The following CSMD1 variants were observed in gnomAD, a reference collection of about 807,000 sequenced individuals.
CSMD1 encodes the protein CUB and Sushi multiple domains 1.
In CSMD1, 213 loss-of-function variants were observed where a neutral mutation model predicts 417.5. That is an observed-to-expected ratio of 0.51 (90% CI 0.46 to 0.57). CSMD1 has a LOEUF of 0.57. Among genes scored for constraint, CSMD1 ranks in the 20% least tolerant of loss-of-function variants. CSMD1 has a pLI of 0.00. For missense variants in CSMD1, 6,923 were observed against 4,529.7 expected (o/e 1.53, Z -15.17); for synonymous variants, 2,862 against 1,736.8 (o/e 1.65, Z -16.11).
intron 12 of CSMD1, among the ~76,000 whole-genome samples, chr8:3,421,144 A>G (rs115867507): frequency 6.6e-6 from 1 of 152,222 alleles, no homozygotes; most frequent in African/African-American, 2.4e-5. Flanking sequence ...TTAACATTCT[A>G]TTAAATTGAT....
chr8:4,172,238 T>C (rs7000442), intron 3 of CSMD1, among the ~76,000 whole-genome samples: 3,360 of 152,250 alleles, frequency 0.022, 139 homozygotes, highest in African/African-American at 0.075. Flanking sequence ...TAGGGTCAAG[T>C]CTGCACTGAA....
intron 26 of CSMD1, among the ~76,000 whole-genome samples, chr8:3,255,404 A>T (rs1166136598): frequency 2.6e-5 from 4 of 152,210 alleles, no homozygotes; most frequent in Non-Finnish European, 5.9e-5. Flanking sequence ...GCTGTCAGAC[A>T]GGGACATTTC....
At chr8:4,970,052 T>G (rs1810140804) in intron 1 of CSMD1, among the ~76,000 whole-genome samples, 1 of 152,152 alleles carries the variant, frequency 6.6e-6, no homozygotes, top group Non-Finnish European at 1.5e-5. Flanking sequence ...TGTCCAATAA[T>G]AGCACACAGA....
intron 26 of CSMD1, among the ~76,000 whole-genome samples, chr8:3,277,819 TG>T (rs1234855732): frequency 6.6e-6 from 1 of 152,124 alleles, no homozygotes; most frequent in Non-Finnish European, 1.5e-5. Flanking sequence ...GTAATGGGAT[TG>T]GGGGGATGAA....
At chr8:4,591,422 T>G (rs905282906) in intron 2 of CSMD1, among the ~76,000 whole-genome samples, 2 of 152,162 alleles carry the variant, frequency 1.3e-5, no homozygotes, top group South Asian at 4.2e-4. Flanking sequence ...AGAAAAGCAT[T>G]CCAAACAGAA....
Position 3,997,905 on chromosome 8 carries a change from T to A in CSMD1, c.816A>T (p.Ile272=), listed in dbSNP as rs1306287160. Residue 272 remains isoleucine, a splice_region_variant and synonymous_variant, in exon 5 of 70, where the codon ATA becomes ATT. Coordinates refer to ENST00000635120, the MANE Select transcript of CSMD1 (RefSeq NM_033225.6). The part of the protein sequence containing the change: ...LEISGTEAPS[I]WLTGMNLPSP... The stretch of plus-strand genomic sequence containing the variant: ...TGGCATCTCTTCCCGGGACTTACCA[T>A]ATGGATGGAGCTTCCGTGCCACTGA... 1 of 1,611,400 alleles carries A rather than the reference T, an allele frequency of 6.2e-7. No homozygotes were observed. Among genetic ancestry groups the A allele is most frequent in the African/African-American group, 1.3e-5 (1 of 74,896 alleles).
chr8:4,373,536 C>T (rs1215022121), intron 3 of CSMD1, among the ~76,000 whole-genome samples: 1 of 152,202 alleles, frequency 6.6e-6, no homozygotes, highest in African/African-American at 2.4e-5. Context: ...CATTATTCCT[C>T]TCACTTCTAT....
chr8:3,719,183 A>G (rs886968231), intron 6 of CSMD1, among the ~76,000 whole-genome samples: 44 of 152,100 alleles, frequency 2.9e-4, no homozygotes, highest in African/African-American at 1.0e-3. Flanking sequence ...CTTTGCCACT[A>G]TAATTTCCCA....
In CSMD1 at chr8:4,046,211, A is replaced by G. The variant is rs759217958; in HGVS notation, c.416-14112T>C. 4.3e-4 allele frequency among the ~76,000 whole-genome samples: 66 copies of G among 152,258 alleles called. 1 individual carries two copies. The highest frequency in any genetic ancestry group is 8.8e-4 in the Non-Finnish European group (60 of 68,008). On this transcript the variant is annotated intron_variant, in intron 3 of 69. Coordinates refer to ENST00000635120, the MANE Select transcript of CSMD1 (RefSeq NM_033225.6). ...GTGCGTGTGTGTGTAGAAAATAATA[A>G]AAGCATTTTAACAATATAAAGGTCA...
chr8:3,676,007 T>C (rs1799356247), intron 7 of CSMD1, among the ~76,000 whole-genome samples: 1 of 152,198 alleles, frequency 6.6e-6, no homozygotes, highest in Non-Finnish European at 1.5e-5. Context: ...GTTTACTGGT[T>C]TGGCCTTAGT....
chr8:4,007,630 G>A lies in CSMD1; in HGVS notation c.611-9520C>T, dbSNP rs117760412. ...TTTATGAGCCTGTTCTTGCACTTGC[G>A]TGCACCTGTTCCTAGGAGGCGGCCT... On this transcript the variant is annotated intron_variant, in intron 4 of 69. Transcript: ENST00000635120. Among the ~76,000 whole-genome samples, 253 of 151,958 alleles carry A rather than the reference G, an allele frequency of 1.7e-3. 1 individual carries two copies. In the East Asian group the frequency reaches 0.018, roughly 11 times the overall value.
chr8:4,062,623 G>T (rs370990317), intron 3 of CSMD1, among the ~76,000 whole-genome samples: 1 of 151,962 alleles, frequency 6.6e-6, no homozygotes, highest in African/African-American at 2.4e-5. Flanking sequence ...TGGAAAAACA[G>T]CACTTATTAG....
At chr8:4,200,472 G>C (rs190012695) in intron 3 of CSMD1, among the ~76,000 whole-genome samples, 1 of 152,176 alleles carries the variant, frequency 6.6e-6, no homozygotes, top group Non-Finnish European at 1.5e-5. Flanking sequence ...AAGTGACAAA[G>C]TTGAATCTCA....
chr8:3,849,243 A>T (rs143899920), intron 5 of CSMD1, among the ~76,000 whole-genome samples: 2 of 152,098 alleles, frequency 1.3e-5, no homozygotes, highest in Non-Finnish European at 2.9e-5. Context: ...GAATAAAACG[A>T]AACAAAACCA....
At position 4,618,883 on chromosome 8, in the gene CSMD1, G is replaced by C. The variant is rs149498014; in HGVS notation, c.302+18459C>G. On this transcript the variant is annotated intron_variant, in intron 2 of 69. Transcript: ENST00000635120. ...ATGAAATACAAGAGTACACGTAATA[G>C]AATAGACAGAGTGGGCTCTAGCCAT... Among the ~76,000 whole-genome samples, 855 of 152,228 alleles carry C rather than the reference G, an allele frequency of 5.6e-3. 7 individuals are homozygous for C. Among genetic ancestry groups the C allele is most frequent in the Middle Eastern group, 0.02 (6 of 294 alleles).
intron 10 of CSMD1, among the ~76,000 whole-genome samples, chr8:3,524,337 A>C (rs944013297): frequency 2.0e-5 from 3 of 151,794 alleles, no homozygotes; most frequent in Admixed American, 1.3e-4. Context: ...ATGCACACAC[A>C]CATGCACACC....
intron 65 of CSMD1, among the ~76,000 whole-genome samples, chr8:2,953,659 T>C (rs911270338): frequency 2.6e-5 from 4 of 152,240 alleles, no homozygotes; most frequent in African/African-American, 9.6e-5. Context: ...TAGTAAAAAC[T>C]TTCCTTGGGA....
chr8:4,949,916 G>C (rs1305639260), intron 1 of CSMD1, among the ~76,000 whole-genome samples: 3 of 33,502 alleles, frequency 9.0e-5, no homozygotes, highest in Non-Finnish European at 2.0e-4. Flanking sequence ...CAACTTGAGT[G>C]TGTGTGTGTG....
At chr8:3,680,062 A>G (rs1367782178) in intron 7 of CSMD1, among the ~76,000 whole-genome samples, 2 of 152,174 alleles carry the variant, frequency 1.3e-5, no homozygotes, top group Non-Finnish European at 2.9e-5. Context: ...TTATAACACT[A>G]AATGCCCACA....
Sources: gnomAD v4.1 joint callset for allele counts (sites outside exome capture counted in the v4.1 genomes callset) on GRCh38, gnomAD v4.1.1 for gene constraint, MANE v1.5 for transcripts, NCBI Gene and HGNC (gene_info 2026-07-23, HGNC 2026-07-21) for gene names.